The following FAT3 variants were observed in gnomAD, a reference collection of about 807,000 sequenced individuals.
FAT3 encodes FAT atypical cadherin 3.
FAT3 carries 95 observed loss-of-function variants against 310.2 expected under a neutral mutation model. That is an observed-to-expected ratio of 0.31 (90% CI 0.26 to 0.36). The LOEUF (loss-of-function observed/expected upper bound fraction) is 0.36, where lower values mean the gene tolerates loss of function less well. Ranked by LOEUF, FAT3 falls within the 10% of genes least tolerant of loss-of-function variation. The probability of loss-of-function intolerance (pLI) is 1.00; values close to 1 mark genes in which losing one functional copy is unlikely to be tolerated. For synonymous variants in FAT3, 2,314 were observed against 2,192.9 expected (o/e 1.06, Z -1.54); for missense variants, 5,408 against 5,715.6 (o/e 0.95, Z 1.74).
intron 14 of FAT3, 40 bp from the exon 15 acceptor site, chr11:92,834,830 T>G: frequency 6.7e-7 from 1 of 1,502,790 alleles, no homozygotes; most frequent in Non-Finnish European, 9.0e-7. Flanking sequence ...ACCAGTGTTT[T>G]TTCCTAATGA....
chr11:92,818,910 G>A (rs1204145023), intron 13 of FAT3, among the ~76,000 whole-genome samples: 5 of 152,114 alleles, frequency 3.3e-5, no homozygotes, highest in Non-Finnish European at 7.4e-5. Flanking sequence ...TACTAGTCTT[G>A]GACCCTCCTA....
chr11:92,758,241 A>G (rs1946054618), intron 4 of FAT3, among the ~76,000 whole-genome samples: 1 of 152,180 alleles, frequency 6.6e-6, no homozygotes. Flanking sequence ...GTCTAGAAGG[A>G]TTGAATGGAG....
At chr11:92,729,870 C>T (rs1945124211) in intron 4 of FAT3, among the ~76,000 whole-genome samples, 1 of 152,146 alleles carries the variant, frequency 6.6e-6, no homozygotes, top group East Asian at 1.9e-4. Context: ...AATCTGAATA[C>T]TCTTGAGACT....
At chr11:92,696,887 A>G (rs1943956022) in intron 3 of FAT3, among the ~76,000 whole-genome samples, 1 of 152,244 alleles carries the variant, frequency 6.6e-6, no homozygotes, top group African/African-American at 2.4e-5. Context: ...GTTATTAAAT[A>G]TGAAATAATT....
At chr11:92,835,159 A>T (rs1254730673) in intron 15 of FAT3, 75 bp downstream of exon 15, 3 of 1,319,034 alleles carry the variant, frequency 2.3e-6, no homozygotes, top group Non-Finnish European at 3.1e-6. Flanking sequence ...AAGAAAGCAA[A>T]GTCCGTCTTG....
intron 4 of FAT3, among the ~76,000 whole-genome samples, chr11:92,757,462 T>C (rs944120795): frequency 1.3e-5 from 2 of 152,072 alleles, no homozygotes; most frequent in African/African-American, 4.8e-5. Context: ...GAAGAGGAGA[T>C]GATGGGGATT....
chr11:92,587,112 ATTACATTTC>A (rs1452247147), intron 3 of FAT3, among the ~76,000 whole-genome samples: 1 of 151,980 alleles, frequency 6.6e-6, no homozygotes, highest in African/African-American at 2.4e-5. Flanking sequence ...GCCAAATACC[ATTACATTTC>A]TTAAGGATTT....
chr11:92,727,355 C>T lies in FAT3; in HGVS notation c.3669+29910C>T, dbSNP rs141564600. ...TGGTGATTGAGACAGACATTGCCAC[C>T]GACTTCATGGGAGATACAGCCTGTC... On this transcript the variant is annotated intron_variant, in intron 4 of 27. Transcript: ENST00000525166. 1.4e-3 allele frequency among the ~76,000 whole-genome samples: 214 copies of T among 151,810 alleles called. 1 individual carries two copies. The highest frequency in any genetic ancestry group is 4.8e-3 in the African/African-American group (200 of 41,384).
intron 1 of FAT3, among the ~76,000 whole-genome samples, chr11:92,329,348 A>T (rs891922639): frequency 2.6e-5 from 4 of 151,704 alleles, no homozygotes; most frequent in Admixed American, 2.0e-4. Flanking sequence ...TGTTAAAAAG[A>T]GCCTGGCATC....
At chr11:92,584,264 A>T (rs181219932) in intron 3 of FAT3, among the ~76,000 whole-genome samples, 88 of 152,112 alleles carry the variant, frequency 5.8e-4, no homozygotes, top group Non-Finnish European at 1.1e-3. Flanking sequence ...GGGCACAGCA[A>T]CTTTGCTTTG....
chr11:92,530,889 A>G (rs961753024), intron 3 of FAT3, among the ~76,000 whole-genome samples: 4 of 120,570 alleles, frequency 3.3e-5, no homozygotes, highest in Admixed American at 1.8e-4. Context: ...ATTTACAAAT[A>G]TAGGGATTTA....
intron 1 of FAT3, among the ~76,000 whole-genome samples, chr11:92,298,027 C>T (rs1946895653): frequency 6.6e-6 from 1 of 151,972 alleles, no homozygotes; most frequent in Non-Finnish European, 1.5e-5. Context: ...TCTGTGAGCA[C>T]AACAAGGAAA....
intron 3 of FAT3, among the ~76,000 whole-genome samples, chr11:92,685,467 TGCTAAATGAA>T (rs1265606222): frequency 2.0e-5 from 3 of 152,066 alleles, no homozygotes; most frequent in African/African-American, 7.2e-5. Context: ...ATAATATAAA[TGCTAAATGAA>T]TATTCCCATA....
chr11:92,484,545 A>G (rs937081053), intron 2 of FAT3, among the ~76,000 whole-genome samples: 1 of 152,240 alleles, frequency 6.6e-6, no homozygotes, highest in Non-Finnish European at 1.5e-5. Flanking sequence ...TATAGCCTTC[A>G]TTAGGCCTCC....
intron 21 of FAT3, among the ~76,000 whole-genome samples, chr11:92,866,287 T>G (rs1389281207): frequency 2.0e-5 from 3 of 152,184 alleles, no homozygotes; most frequent in South Asian, 4.1e-4. Flanking sequence ...GATAACTCTA[T>G]TCACTCAGAT....
chr11:92,336,587 T>C (rs1263371253), intron 1 of FAT3: 1 of 160,022 alleles, frequency 6.2e-6, no homozygotes, highest in Non-Finnish European at 1.4e-5. Context: ...TTCCATGAAC[T>C]GTAAAGGACA....
At chr11:92,841,125 T>A (rs573063290) in intron 18 of FAT3, among the ~76,000 whole-genome samples, 2 of 152,286 alleles carry the variant, frequency 1.3e-5, no homozygotes, top group Non-Finnish European at 2.9e-5. Context: ...AGCCATTTCA[T>A]GCCTCTGCTT....
At chr11:92,600,772 A>C (rs1414607356) in intron 3 of FAT3, among the ~76,000 whole-genome samples, 1 of 152,208 alleles carries the variant, frequency 6.6e-6, no homozygotes, top group Non-Finnish European at 1.5e-5. Flanking sequence ...AAAAAAAATA[A>C]GACAGAAAAG....
intron 1 of FAT3, among the ~76,000 whole-genome samples, chr11:92,249,118 C>A (rs1187605665): frequency 1.3e-5 from 2 of 152,040 alleles, no homozygotes; most frequent in Non-Finnish European, 2.9e-5. Flanking sequence ...CATTTTAAAA[C>A]ACTTATTTGT....
Sources: gnomAD v4.1 joint callset for allele counts (sites outside exome capture counted in the v4.1 genomes callset) on GRCh38, gnomAD v4.1.1 for gene constraint, MANE v1.5 for transcripts, NCBI Gene and HGNC (gene_info 2026-07-23, HGNC 2026-07-21) for gene names.